Variants in SPIN3 observed in about 807,000 individuals in gnomAD.
SPIN3 encodes spindlin family member 3, also known as spindlin-3.
For missense variants in SPIN3, 176 were observed against 196.4 expected (o/e 0.90, Z 0.62); for synonymous variants, 74 against 74.3 (o/e 1.00, Z 0.02).
intron 3 of SPIN3, chrX:56,979,856 T>A (rs1924078291): frequency 8.9e-6 from 1 of 112,417 alleles, no homozygotes; most frequent in African/African-American, 3.2e-5. Context: ...TTGCTGATTC[T>A]CTGGACTTGG....
chrX:56,984,400 C>T (rs73216478), exon 3 of SPIN3: 194 of 313,663 alleles, frequency 6.2e-4, no homozygotes, highest in Non-Finnish European at 1.1e-3. Context: ...GTGCTCACAC[C>T]GGTGGACACA....
At position 56,994,395 on chromosome X, in the gene SPIN3, C is replaced by T; in HGVS notation, c.553G>A (p.Asp185Asn). ...YQLLDDYKDG[D>N]LRILQDSNDS... Reference sequence around the variant, plus strand: ...TTGGAATCTTGAAGGATGCGGAGGTCACCATCTTTATAATCATCTAAGAGC... The same window carrying T: ...TTGGAATCTTGAAGGATGCGGAGGTTACCATCTTTATAATCATCTAAGAGC... The change falls in exon 2 of 2, where the codon GAC becomes AAC. Residue 185 changes from aspartate (D) to asparagine (N), a missense_variant. Asp to Asn is a conservative substitution (Grantham distance 23). Coordinates refer to ENST00000374919, the MANE Select transcript of SPIN3 (RefSeq NM_001010862.3). 8.3e-7 allele frequency: 1 copy of T among 1,211,252 alleles called. No individual in the cohort carries two copies. Among genetic ancestry groups the T allele is most frequent in the Non-Finnish European group, 1.1e-6 (1 of 895,313 alleles).
In SPIN3 at chrX:56,995,101, C is replaced by T. The variant is rs770327326; in HGVS notation, c.-3+115G>A. The T allele has an allele frequency of 4.2e-5, 26 of 626,423 alleles. No individual in the cohort carries two copies. In the African/African-American group the frequency reaches 4.7e-4, roughly 11 times the overall value. 51.6% of individuals were successfully genotyped at this position (626,423 alleles called of 1,213,427 possible). A position where few individuals can be genotyped will look rare whatever the true frequency, so the allele number is the denominator to read the frequency against. On this transcript the variant is annotated intron_variant, in intron 1 of 1. Transcript: ENST00000374919. ...TAGATAGCAAAGCTGGAAATCAAGG[C>T]ACCCTGGCTGAGTGCCTGCAGTAAC...
chrX:56,982,628 G>A (rs1013648428), intron 3 of SPIN3: 2 of 110,971 alleles, frequency 1.8e-5, no homozygotes, highest in African/African-American at 6.6e-5. Context: ...GTCTGTGCTG[G>A]GCAATGTCTA....
intron 1 of SPIN3, 70 bp from the exon 2 acceptor site, chrX:56,995,019 G>T (rs1924459288): frequency 1.9e-6 from 2 of 1,042,515 alleles, no homozygotes; most frequent in African/African-American, 1.9e-5. Flanking sequence ...ATAACACGGA[G>T]AGCTTTTTCT....
chrX:56,991,530 C>T lies in SPIN3; in HGVS notation c.*2641G>A, dbSNP rs923841028. ...TTCTTCCAAACATTTTTGAGAGATG[C>T]AAGTCTTTTCCTTTTCTTGAGTCAG... is the stretch of plus-strand genomic sequence containing the variant. On this transcript the variant is annotated 3_prime_UTR_variant, in exon 2 of 2. Coordinates refer to ENST00000374919, the MANE Select transcript of SPIN3 (RefSeq NM_001010862.3). 3 of 112,449 alleles carry T rather than the reference C, an allele frequency of 2.7e-5. No individual in the cohort carries two copies. Among genetic ancestry groups the T allele is most frequent in the African/African-American group, 9.7e-5 (3 of 30,968 alleles). 9.3% of individuals were successfully genotyped at this position (112,449 alleles called of 1,213,427 possible). A position where few individuals can be genotyped will look rare whatever the true frequency, so the allele number is the denominator to read the frequency against.
intron 2 of SPIN3, chrX:56,984,556 AT>A: frequency 3.1e-6 from 1 of 321,277 alleles, no homozygotes; most frequent in East Asian, 9.8e-5. Context: ...TCACAAAGAG[AT>A]TTATGGGAAG....
At position 56,994,449 on chromosome X, in the gene SPIN3, C is replaced by T; in HGVS notation, c.499G>A (p.Glu167Lys). Residue 167 changes from glutamate to lysine, a missense_variant, in exon 2 of 2, where the codon GAG becomes AAG. By Grantham distance (56) the Glu-to-Lys change is moderately conservative. Transcript: ENST00000374919. The stretch of plus-strand genomic sequence containing the variant: ...TACATATATAATACAGGATCTTTCT[C>T]ATAGGTAATGTAAAACCATGTGTTC... ...VMNTWFYITY[E>K]KDPVLYMYQL... 1 of 1,211,697 alleles carries T rather than the reference C, an allele frequency of 8.3e-7. No homozygotes were observed. The highest frequency in any genetic ancestry group is 1.8e-5 in the South Asian group (1 of 56,945).
chrX:56,989,573 CAGG>C (rs1311521774), downstream of SPIN3, among the ~76,000 whole-genome samples: 1 of 111,605 alleles, frequency 9.0e-6, no homozygotes, highest in Admixed American at 9.5e-5. Flanking sequence ...GGCTGCACAG[CAGG>C]AGGTGAGTGG....
rs970160301 is a variant in SPIN3 at position 56,993,855 on chromosome X, A to G, written c.*316T>C. The G allele has an allele frequency of 1.4e-4, 24 of 166,403 alleles. No homozygotes were observed. The highest frequency in any genetic ancestry group is 2.3e-4 in the Non-Finnish European group (21 of 89,517). 13.7% of individuals were successfully genotyped at this position (166,403 alleles called of 1,213,427 possible). A position where few individuals can be genotyped will look rare whatever the true frequency, so the allele number is the denominator to read the frequency against. On this transcript the variant is annotated 3_prime_UTR_variant, in exon 2 of 2. Coordinates refer to ENST00000374919, the MANE Select transcript of SPIN3 (RefSeq NM_001010862.3). ...TGAGTGTAGAGTCCAAGTGCCAAAA[A>G]GAGTGAGGTGAGAGGTGTTCAGCTA... is the stretch of plus-strand genomic sequence containing the variant.
chrX:56,995,463 T>TGGTGGCGGCGGCGGTGGC lies in SPIN3; in HGVS notation c.-268_-251dup, dbSNP rs897041435. On this transcript the variant is annotated 5_prime_UTR_variant, in exon 1 of 2. Coordinates refer to ENST00000374919, the MANE Select transcript of SPIN3 (RefSeq NM_001010862.3). ...TTGGCTCCTGCGTCCTCCGCCTTCC[T>TGGTGGCGGCGGCGGTGGC]GGTGGCGGCGGCGGTGGCGGTGGCC... The TGGTGGCGGCGGCGGTGGC allele has an allele frequency of 1.6e-4, 18 of 114,434 alleles. No homozygotes were observed. The highest frequency in any genetic ancestry group is 5.2e-4 in the African/African-American group (16 of 30,898). The allele number at this position is 114,434 out of a possible 1,213,427, so 9.4% of individuals were successfully genotyped here.
chrX:56,984,155 C>T (rs1168043562), intron 3 of SPIN3: 1 of 143,679 alleles, frequency 7.0e-6, no homozygotes, highest in Non-Finnish European at 1.3e-5. Flanking sequence ...GCCCACCTCC[C>T]CTCTCTCTCG....
chrX:56,983,307 G>T (rs934787522), intron 3 of SPIN3, among the ~76,000 whole-genome samples: 2 of 111,549 alleles, frequency 1.8e-5, no homozygotes, highest in Non-Finnish European at 3.8e-5. Context: ...TGTGTGCAGG[G>T]TACTCACATT....
At chrX:56,979,874 G>T (rs946463838) in intron 3 of SPIN3, 1 of 112,062 alleles carries the variant, frequency 8.9e-6, no homozygotes, top group Non-Finnish European at 1.9e-5. Flanking sequence ...TGGTCCTAAG[G>T]TAGATAAAAT....
At chrX:56,980,967 C>CTT (rs375458963) in intron 3 of SPIN3, among the ~76,000 whole-genome samples, 2 of 99,490 alleles carry the variant, frequency 2.0e-5, no homozygotes, top group African/African-American at 3.6e-5. Flanking sequence ...TAGTTAAAAT[C>CTT]TTTTTTTTTT....
intron 3 of SPIN3, among the ~76,000 whole-genome samples, chrX:56,981,274 T>C (rs1248641674): frequency 9.3e-6 from 1 of 107,946 alleles, no homozygotes; most frequent in African/African-American, 3.4e-5. Flanking sequence ...TGAGACAGAA[T>C]TGCTTGAACC....
At chrX:56,979,310 C>G (rs1435152549) in intron 3 of SPIN3, 1 of 110,605 alleles carries the variant, frequency 9.0e-6, no homozygotes, top group African/African-American at 3.3e-5. Context: ...ATATGGCAGT[C>G]AGTAGGAATT....
downstream of SPIN3, chrX:56,990,705 A>T (rs1924312588): frequency 9.0e-6 from 1 of 111,625 alleles, no homozygotes; most frequent in South Asian, 3.7e-4. Context: ...GGACTGGCAG[A>T]AATTGTGGGT....
chrX:56,976,993 T>C (rs1924019945), exon 6 of SPIN3: 1 of 112,006 alleles, frequency 8.9e-6, no homozygotes, highest in African/African-American at 3.2e-5. Context: ...TACCTGTTTA[T>C]GTAATTTTTC....
Sources: gnomAD v4.1 joint callset for allele counts (sites outside exome capture counted in the v4.1 genomes callset) on GRCh38, gnomAD v4.1.1 for gene constraint, MANE v1.5 for transcripts, NCBI Gene and HGNC (gene_info 2026-07-23, HGNC 2026-07-21) for gene names.